The following SKIL variants were observed in gnomAD, a reference collection of about 807,000 sequenced individuals.
The protein encoded by SKIL is SKI like proto-oncogene, also known as ski-like protein.
A neutral mutation model predicts 69.6 loss-of-function variants in SKIL; 20 were observed. That is an observed-to-expected ratio of 0.29 (90% CI 0.20 to 0.42). The LOEUF (loss-of-function observed/expected upper bound fraction) is 0.42, where lower values mean the gene tolerates loss of function less well. Among genes scored for constraint, SKIL ranks in the 10% least tolerant of loss-of-function variants. The pLI, the probability that SKIL is intolerant of heterozygous loss-of-function variation, is 1.00. For missense variants in SKIL, 745 were observed against 783.1 expected, an observed-to-expected ratio of 0.95 and a Z score of 0.58; for synonymous variants, 310 against 279.9, an observed-to-expected ratio of 1.11 and a Z score of -1.08.
chr3:170,360,891 G>T lies in SKIL; in HGVS notation c.560G>T (p.Cys187Phe), dbSNP rs1736192883. ...EFTLQQINTV[C>F]DELYIYCSRC... ...ACACTCCAGCAAATAAATACAGTGT[G>T]TGATGAACTGTACATATATTGTTCA... The change falls in exon 2 of 7, where the codon TGT becomes TTT. Residue 187 changes from cysteine to phenylalanine, a missense_variant. Coordinates refer to ENST00000259119, the MANE Select transcript of SKIL (RefSeq NM_005414.5). 6.2e-7 allele frequency: 1 copy of T among 1,613,778 alleles called. No individual in the cohort carries two copies. Among genetic ancestry groups the T allele is most frequent in the Non-Finnish European group, 8.5e-7 (1 of 1,179,788 alleles).
chr3:170,359,068 T>TC (rs1320952929), intron 1 of SKIL, among the ~76,000 whole-genome samples: 2 of 152,216 alleles, frequency 1.3e-5, no homozygotes, highest in African/African-American at 4.8e-5. Context: ...TGGATTTTTT[T>TC]CCCTCCCTTA....
At chr3:170,375,035 G>A (rs943298041) in intron 2 of SKIL, among the ~76,000 whole-genome samples, 5 of 152,180 alleles carry the variant, frequency 3.3e-5, no homozygotes. Flanking sequence ...TGATAGATGA[G>A]TCCCTACTAC....
At position 170,361,742 on chromosome 3, in the gene SKIL, CTT is replaced by C. The variant is rs11321256; in HGVS notation, c.1098+328_1098+329del. On this transcript the variant is annotated intron_variant, in intron 2 of 6. Transcript: ENST00000259119. Reference sequence around the variant, plus strand: ...CCAGGGAGTGGAGGAGTTAGGGCTTCTTTTTTTTTTTTTTTTGTGCTTTTAGT... The same window carrying C: ...CCAGGGAGTGGAGGAGTTAGGGCTTCTTTTTTTTTTTTTTGTGCTTTTAGT... 6.7e-3 allele frequency among the ~76,000 whole-genome samples: 917 copies of C among 136,018 alleles called. 13 individuals carry two copies. Among genetic ancestry groups the C allele is most frequent in the Non-Finnish European group, 4.6e-3 (286 of 62,408 alleles). The allele number at this position is 136,018 out of a possible 152,430, so 89.2% of individuals were successfully genotyped here. A position where few individuals can be genotyped will look rare whatever the true frequency, so the allele number is the denominator to read the frequency against.
In SKIL at chr3:170,360,372, C is replaced by T; in HGVS notation, c.41C>T (p.Ser14Leu). The T allele has an allele frequency of 3.8e-6, 6 of 1,595,234 alleles. No individual in the cohort carries two copies. The highest frequency in any genetic ancestry group is 5.1e-6 in the Non-Finnish European group (6 of 1,171,406). ...ACAAATTTCTCCTTGGTTCAGGGCT[C>T]AACTAAAAAACTGAATGGGATGGGA... Reference protein sequence around the residue: ...LQTNFSLVQGSTKKLNGMGDD... With the variant: ...LQTNFSLVQGLTKKLNGMGDD... Residue 14 changes from serine (S) to leucine (L), a missense_variant, in exon 2 of 7, where the codon TCA (serine) becomes TTA (leucine). Transcript: ENST00000259119.
rs1323764336 is a variant in SKIL, at chr3:170,395,690, A to T, written c.*3273A>T. On this transcript the variant is annotated 3_prime_UTR_variant, in exon 7 of 7. Coordinates refer to ENST00000259119, the MANE Select transcript of SKIL (RefSeq NM_005414.5). ...CAGCTTCTAAAATTTTCTTCTCAATAAGGCATATGTTTTGATTACTTAGGG... is the reference window on the plus strand; with the variant it reads ...CAGCTTCTAAAATTTTCTTCTCAATTAGGCATATGTTTTGATTACTTAGGG... 6.6e-6 allele frequency: 1 copy of T among 152,090 alleles called. No individual in the cohort carries two copies. Among genetic ancestry groups the T allele is most frequent in the Non-Finnish European group, 1.5e-5 (1 of 67,936 alleles). 9.4% of individuals were successfully genotyped at this position (152,090 alleles called of 1,614,324 possible).
Position 170,370,482 on chromosome 3 carries a change from C to T in SKIL, c.1098+9053C>T, listed in dbSNP as rs114920326. ...AGCAGGAGTTCATCTTATAGTCTTA[C>T]AGTCTTCTTATATCTTACAGTCTTC... On this transcript the variant is annotated intron_variant, in intron 2 of 6. Coordinates refer to ENST00000259119, the MANE Select transcript of SKIL (RefSeq NM_005414.5). 1.9e-3 allele frequency among the ~76,000 whole-genome samples: 202 copies of T among 108,996 alleles called. 1 individual carries two copies. Among genetic ancestry groups the T allele is most frequent in the Middle Eastern group, 0.013 (1 of 78 alleles). 71.5% of individuals were successfully genotyped at this position (108,996 alleles called of 152,430 possible).
At chr3:170,388,297 G>T (rs1577444999) in intron 4 of SKIL, among the ~76,000 whole-genome samples, 1 of 152,052 alleles carries the variant, frequency 6.6e-6, no homozygotes, top group Non-Finnish European at 1.5e-5. Context: ...CTTGGACATT[G>T]CATATCTTTG....
At chr3:170,365,275 CT>C (rs1263579549) in intron 2 of SKIL, among the ~76,000 whole-genome samples, 1 of 152,204 alleles carries the variant, frequency 6.6e-6, no homozygotes, top group Non-Finnish European at 1.5e-5. Flanking sequence ...CTATTTGCCC[CT>C]GAAGCACATG....
intron 2 of SKIL, among the ~76,000 whole-genome samples, chr3:170,380,230 A>G (rs1166370018): frequency 2.0e-5 from 3 of 152,238 alleles, no homozygotes; most frequent in African/African-American, 7.2e-5. Flanking sequence ...TTGCTGTAGA[A>G]TGGTATCTAG....
chr3:170,363,828 A>C (rs1736359662), intron 2 of SKIL, among the ~76,000 whole-genome samples: 1 of 152,164 alleles, frequency 6.6e-6, no homozygotes, highest in African/African-American at 2.4e-5. Context: ...GCCAGTGCTC[A>C]GTGTAGAACT....
intron 2 of SKIL, among the ~76,000 whole-genome samples, chr3:170,371,891 A>G (rs1339260669): frequency 6.6e-6 from 1 of 152,240 alleles, no homozygotes; most frequent in Non-Finnish European, 1.5e-5. Context: ...AATGGAAAAT[A>G]GAGGACATTG....
rs1738156636 is a variant in SKIL at position 170,395,822 on chromosome 3, C to G, written c.*3405C>G. The G allele has an allele frequency of 6.6e-6, 1 of 151,918 alleles. No homozygotes were observed. Among genetic ancestry groups the G allele is most frequent in the African/African-American group, 2.4e-5 (1 of 41,376 alleles). 9.4% of individuals were successfully genotyped at this position (151,918 alleles called of 1,614,324 possible). ...CTCATACTGTACATCTGTTTCTGTG[C>G]TTGGAACTACTTGTTAATAGTTTTT... On this transcript the variant is annotated 3_prime_UTR_variant, in exon 7 of 7. Coordinates refer to ENST00000259119, the MANE Select transcript of SKIL (RefSeq NM_005414.5).
intron 4 of SKIL, among the ~76,000 whole-genome samples, chr3:170,385,424 G>C (rs571813854): frequency 6.6e-6 from 1 of 151,966 alleles, no homozygotes; most frequent in East Asian, 1.9e-4. Flanking sequence ...CATGAACTGA[G>C]ACACCATTTA....
In SKIL at chr3:170,392,921, A is replaced by G. The variant is rs1192537359; in HGVS notation, c.*504A>G. The stretch of plus-strand genomic sequence containing the variant: ...ATTAACATACACCAAATTTACTTTT[A>G]CTTTGTTCAGATTGTGGAATGAATT... On this transcript the variant is annotated 3_prime_UTR_variant, in exon 7 of 7. Transcript: ENST00000259119. 3.9e-5 allele frequency: 6 copies of G among 152,192 alleles called. No homozygotes were observed. Among genetic ancestry groups the G allele is most frequent in the Non-Finnish European group, 7.3e-5 (5 of 68,062 alleles). 9.4% of individuals were successfully genotyped at this position (152,192 alleles called of 1,614,324 possible).
Position 170,392,704 on chromosome 3 carries a change from T to C in SKIL, c.*287T>C, listed in dbSNP as rs1263343224. 5.4e-6 allele frequency: 1 copy of C among 184,950 alleles called. No individual in the cohort carries two copies. The highest frequency in any genetic ancestry group is 1.1e-5 in the Non-Finnish European group (1 of 90,004). The allele number at this position is 184,950 out of a possible 1,614,324, so 11.5% of individuals were successfully genotyped here. A position where few individuals can be genotyped will look rare whatever the true frequency, so the allele number is the denominator to read the frequency against. On this transcript the variant is annotated 3_prime_UTR_variant, in exon 7 of 7. Coordinates refer to ENST00000259119, the MANE Select transcript of SKIL (RefSeq NM_005414.5). ...ATCTGCTTATATTTCTAATGCAAAC[T>C]TAACAATTGTGTACTTTTTAAAAGC...
Position 170,396,482 on chromosome 3 carries a change from T to G in SKIL, c.*4065T>G, listed in dbSNP as rs370024294. On this transcript the variant is annotated 3_prime_UTR_variant, in exon 7 of 7. Coordinates refer to ENST00000259119, the MANE Select transcript of SKIL (RefSeq NM_005414.5). ...AAGGCAGTAAATGAAATATCTGTTC[T>G]GCAACTGTTGAAACAAATAATTGGC... 6.6e-6 allele frequency: 1 copy of G among 152,202 alleles called. No individual in the cohort carries two copies. Among genetic ancestry groups the G allele is most frequent in the Non-Finnish European group, 1.5e-5 (1 of 68,024 alleles). The allele number at this position is 152,202 out of a possible 1,614,324, so 9.4% of individuals were successfully genotyped here.
At chr3:170,371,860 T>G (rs1376333789) in intron 2 of SKIL, among the ~76,000 whole-genome samples, 5 of 152,132 alleles carry the variant, frequency 3.3e-5, no homozygotes, top group Admixed American at 6.5e-5. Flanking sequence ...TTAAAAAACA[T>G]AAAAACCTGA....
intron 4 of SKIL, among the ~76,000 whole-genome samples, chr3:170,386,622 T>C (rs2108221125): frequency 6.6e-6 from 1 of 151,998 alleles, no homozygotes; most frequent in East Asian, 1.9e-4. Context: ...CATGTGCCAC[T>C]GCGCCTGCCT....
intron 3 of SKIL, among the ~76,000 whole-genome samples, chr3:170,383,414 C>T (rs1385261246): frequency 6.6e-6 from 1 of 152,148 alleles, no homozygotes; most frequent in East Asian, 1.9e-4. Context: ...GTCTGGAGTT[C>T]AGGGGATAGA....
Sources: allele counts gnomAD v4.1 joint callset (sites outside exome capture counted in the v4.1 genomes callset), GRCh38; gene constraint gnomAD v4.1.1; transcripts MANE v1.5; gene names NCBI Gene and HGNC (gene_info 2026-07-23, HGNC 2026-07-21).